The following LDLRAD3 variants were observed in gnomAD, a reference collection of about 807,000 sequenced individuals.
LDLRAD3 encodes the protein low density lipoprotein receptor class A domain containing 3, also known as low-density lipoprotein receptor class A domain-containing protein 3.
In LDLRAD3, 20 loss-of-function variants were observed where a neutral mutation model predicts 29.4. The ratio of observed to expected loss-of-function variants is 0.68; its 90% CI spans 0.48 to 0.99. The LOEUF is 0.99. Among genes scored for constraint, LDLRAD3 ranks in the 50% least tolerant of loss-of-function variants. The pLI, the probability that LDLRAD3 is intolerant of heterozygous loss-of-function variation, is 0.00. For synonymous variants in LDLRAD3, 157 were observed against 192.7 expected (o/e 0.81, Z 1.53); for missense variants, 420 against 454.3 (o/e 0.92, Z 0.69).
rs142154574 is a variant in LDLRAD3 at position 36,201,828 on chromosome 11, G to A, written c.455-25257G>A. 4.7e-3 allele frequency among the ~76,000 whole-genome samples: 715 copies of A among 152,308 alleles called. 9 individuals carry two copies. Among genetic ancestry groups the A allele is most frequent in the African/African-American group, 0.017 (696 of 41,570 alleles). ...AGTTGCTGGAAAGGAGGCAGTCGCG[G>A]ATGTGGTTTTTCTCAACTCTTCCTT... On this transcript the variant is annotated intron_variant, in intron 4 of 5. Coordinates refer to ENST00000315571, the MANE Select transcript of LDLRAD3 (RefSeq NM_174902.4).
intron 1 of LDLRAD3, among the ~76,000 whole-genome samples, chr11:36,029,615 G>T (rs1422698162): frequency 6.6e-6 from 1 of 152,162 alleles, no homozygotes; most frequent in African/African-American, 2.4e-5. Context: ...GCAGCTATCA[G>T]GCCCTTAATG....
intron 4 of LDLRAD3, among the ~76,000 whole-genome samples, chr11:36,182,846 G>A (rs1388190460): frequency 1.3e-5 from 2 of 152,126 alleles, no homozygotes; most frequent in East Asian, 3.8e-4. Flanking sequence ...GGAATGACTG[G>A]GGGCTGTGTG....
intron 4 of LDLRAD3, among the ~76,000 whole-genome samples, chr11:36,143,320 G>A (rs77321525): frequency 0.1 from 15,826 of 152,232 alleles, 901 homozygotes; most frequent in Non-Finnish European, 0.12. Context: ...AAGGCCTGGC[G>A]TCCTCTACCT....
intron 4 of LDLRAD3, among the ~76,000 whole-genome samples, chr11:36,139,979 A>G (rs1434063216): frequency 2.0e-5 from 3 of 152,226 alleles, no homozygotes; most frequent in Admixed American, 2.0e-4. Context: ...TCAGCCTTAC[A>G]TGCTTGGAGA....
At chr11:36,010,402 T>G (rs1268826115) in intron 1 of LDLRAD3, among the ~76,000 whole-genome samples, 1 of 152,246 alleles carries the variant, frequency 6.6e-6, no homozygotes, top group East Asian at 1.9e-4. Context: ...TTAGTGAAGA[T>G]AGACCCAACT....
chr11:36,050,571 T>C (rs1852512761), intron 2 of LDLRAD3, among the ~76,000 whole-genome samples: 1 of 152,172 alleles, frequency 6.6e-6, no homozygotes, highest in Admixed American at 6.5e-5. Flanking sequence ...AGTCTGATGC[T>C]GTTAAGGGAA....
intron 4 of LDLRAD3, among the ~76,000 whole-genome samples, chr11:36,153,073 T>C (rs191683876): frequency 6.6e-6 from 1 of 152,238 alleles, no homozygotes; most frequent in African/African-American, 2.4e-5. Flanking sequence ...TTGTGGCAAG[T>C]TATTTTCTCA....
At chr11:36,074,775 G>T (rs965571821) in intron 2 of LDLRAD3, among the ~76,000 whole-genome samples, 15 of 152,186 alleles carry the variant, frequency 9.9e-5, no homozygotes, top group Non-Finnish European at 1.9e-4. Context: ...TCAGAAGCTT[G>T]AACCTGTCTG....
chr11:35,993,679 G>T, intron 1 of LDLRAD3, among the ~76,000 whole-genome samples: 1 of 143,394 alleles, frequency 7.0e-6, no homozygotes, highest in South Asian at 2.2e-4. Context: ...AAAAAAAAAA[G>T]AATTTTTACT....
chr11:36,223,181 C>A (rs1855452652), intron 4 of LDLRAD3, among the ~76,000 whole-genome samples: 1 of 152,180 alleles, frequency 6.6e-6, no homozygotes, highest in Non-Finnish European at 1.5e-5. Context: ...CTGAGTTATG[C>A]AACATCATAA....
At chr11:36,010,492 T>C (rs75123659) in intron 1 of LDLRAD3, among the ~76,000 whole-genome samples, 6,024 of 152,288 alleles carry the variant, frequency 0.04, 158 homozygotes, top group Admixed American at 0.076. Context: ...TTCCCATCTC[T>C]TTCTACATAG....
rs146139497 is a variant in LDLRAD3, at chr11:36,036,192, G to A, written c.136G>A (p.Ala46Thr). 3,788 of 1,614,152 alleles carry A rather than the reference G, an allele frequency of 2.3e-3. 69 individuals carry two copies. The highest frequency in any genetic ancestry group is 5.3e-4 in the Admixed American group (32 of 60,032). ...MCSNGRCIPG[A>T]WQCDGLPDCF... The stretch of plus-strand genomic sequence containing the variant: ...CAGCAATGGACGGTGCATCCCGGGC[G>A]CCTGGCAGTGTGACGGGCTGCCTGA... Residue 46 changes from alanine to threonine, a missense_variant, in exon 2 of 6, where the codon GCC (alanine) becomes ACC (threonine). Ala to Thr is a moderately conservative substitution (Grantham distance 58). Transcript: ENST00000315571.
At chr11:36,124,437 G>A (rs1853805614) in intron 4 of LDLRAD3, among the ~76,000 whole-genome samples, 1 of 152,086 alleles carries the variant, frequency 6.6e-6, no homozygotes, top group Admixed American at 6.5e-5. Flanking sequence ...ACATATAAGG[G>A]TAGTGAGACC....
chr11:36,228,094 C>T (rs906546587), intron 5 of LDLRAD3, among the ~76,000 whole-genome samples: 3 of 152,172 alleles, frequency 2.0e-5, no homozygotes, highest in Non-Finnish European at 4.4e-5. Context: ...TTGAAGCAAG[C>T]AGTGGGCCCG....
At chr11:36,023,360 A>G (rs950966482) in intron 1 of LDLRAD3, among the ~76,000 whole-genome samples, 3 of 152,146 alleles carry the variant, frequency 2.0e-5, no homozygotes, top group Non-Finnish European at 4.4e-5. Context: ...GCAGGGGGCC[A>G]TGGGGACTAG....
chr11:35,958,388 G>A (rs1208667603), intron 1 of LDLRAD3, among the ~76,000 whole-genome samples: 1 of 152,198 alleles, frequency 6.6e-6, no homozygotes, highest in Admixed American at 6.5e-5. Context: ...AATTTGTAGT[G>A]TGTATGTGTG....
At position 36,081,680 on chromosome 11, in the gene LDLRAD3, C is replaced by A; in HGVS notation, c.221C>A (p.Thr74Asn). 2 of 1,614,242 alleles carry A rather than the reference C, an allele frequency of 1.2e-6. No individual in the cohort carries two copies. Among genetic ancestry groups the A allele is most frequent in the South Asian group, 2.2e-5 (2 of 91,084 alleles). ...AAGGCTAAGTCGAAATGTGGCCCAACCTTCTTCCCCTGTGCCAGCGGCATC... is the reference window on the plus strand; with the variant it reads ...AAGGCTAAGTCGAAATGTGGCCCAAACTTCTTCCCCTGTGCCAGCGGCATC... ...CPKAKSKCGPTFFPCASGIHC... is the reference protein window; with the variant it reads ...CPKAKSKCGPNFFPCASGIHC... The change falls in exon 3 of 6, where the codon ACC (threonine) becomes AAC (asparagine). Residue 74 changes from threonine (T) to asparagine (N), a missense_variant. By Grantham distance (65) the Thr-to-Asn change is moderately conservative (BLOSUM62 0). Transcript: ENST00000315571.
intron 2 of LDLRAD3, among the ~76,000 whole-genome samples, chr11:36,071,145 A>C (rs1200472357): frequency 1.3e-5 from 2 of 152,234 alleles, no homozygotes; most frequent in African/African-American, 4.8e-5. Context: ...TGGATGGAGA[A>C]TAATAGAGCG....
chr11:35,964,628 C>T (rs1851316298), intron 1 of LDLRAD3, among the ~76,000 whole-genome samples: 1 of 152,002 alleles, frequency 6.6e-6, no homozygotes, highest in Non-Finnish European at 1.5e-5. Flanking sequence ...GGGAAGAAGG[C>T]CCAGATTTGG....
Sources: allele counts gnomAD v4.1 joint callset (sites outside exome capture counted in the v4.1 genomes callset), GRCh38; gene constraint gnomAD v4.1.1; transcripts MANE v1.5; gene names NCBI Gene and HGNC (gene_info 2026-07-23, HGNC 2026-07-21).